The following RALYL variants were observed in gnomAD, a reference collection of about 807,000 sequenced individuals.
RALYL encodes the protein RALY RNA binding protein like.
RALYL carries 29 observed loss-of-function variants against 35.1 expected under a neutral mutation model. The ratio of observed to expected loss-of-function variants is 0.83; its 90% CI spans 0.61 to 1.13. The LOEUF (loss-of-function observed/expected upper bound fraction) is 1.13, where lower values mean the gene tolerates loss of function less well. Ranked by LOEUF, RALYL falls within the 50% of genes most tolerant of loss-of-function variation. The pLI, the probability that RALYL is intolerant of heterozygous loss-of-function variation, is 0.00. For synonymous variants in RALYL, 120 were observed against 127.6 expected (o/e 0.94, Z 0.40); for missense variants, 359 against 360.4 (o/e 1.00, Z 0.03).
At chr8:84,766,823 A>G (rs1814204202) in intron 2 of RALYL, among the ~76,000 whole-genome samples, 1 of 150,058 alleles carries the variant, frequency 6.7e-6, no homozygotes, top group Non-Finnish European at 1.5e-5. Context: ...GACTTACTGG[A>G]GCCCAAAGTT....
intron 1 of RALYL, among the ~76,000 whole-genome samples, chr8:84,379,646 AAAAC>A (rs139790097): frequency 0.03 from 4,604 of 151,878 alleles, 208 homozygotes; most frequent in African/African-American, 0.1. Flanking sequence ...CTTCCACTAA[AAAAC>A]AAACAAACAA....
At chr8:84,411,406 T>C (rs2044088243) in intron 1 of RALYL, among the ~76,000 whole-genome samples, 1 of 151,962 alleles carries the variant, frequency 6.6e-6, no homozygotes, top group Admixed American at 6.6e-5. Flanking sequence ...ATTTAACAGT[T>C]CTGAGTGTCA....
At chr8:84,782,365 A>T (rs1351435203) in intron 3 of RALYL, among the ~76,000 whole-genome samples, 1 of 152,172 alleles carries the variant, frequency 6.6e-6, no homozygotes, top group Non-Finnish European at 1.5e-5. Flanking sequence ...TGTAACAGTG[A>T]CCACTTGAGC....
chr8:84,423,319 C>G (rs2045913624), intron 1 of RALYL, among the ~76,000 whole-genome samples: 2 of 149,744 alleles, frequency 1.3e-5, no homozygotes. Context: ...TTCTTTGTCT[C>G]TTTTGATCTT....
chr8:84,540,976 T>G (rs1006160332), intron 2 of RALYL, among the ~76,000 whole-genome samples: 16 of 152,028 alleles, frequency 1.1e-4, no homozygotes, highest in Admixed American at 3.3e-4. Context: ...TGTCTTTTTG[T>G]TTTTTTAATC....
At chr8:84,363,450 C>T (rs754958342) in intron 1 of RALYL, among the ~76,000 whole-genome samples, 38 of 152,242 alleles carry the variant, frequency 2.5e-4, no homozygotes, top group Non-Finnish European at 4.0e-4. Flanking sequence ...TGGGTAATGC[C>T]TTATCTCTGC....
intron 8 of RALYL, among the ~76,000 whole-genome samples, chr8:84,895,124 T>G (rs1481980926): frequency 6.6e-6 from 1 of 152,154 alleles, no homozygotes; most frequent in Non-Finnish European, 1.5e-5. Context: ...GATTTTGAAT[T>G]TTGTTTGATT....
At chr8:84,865,678 T>A (rs559786977) in intron 6 of RALYL, among the ~76,000 whole-genome samples, 357 of 152,254 alleles carry the variant, frequency 2.3e-3, no homozygotes, top group Non-Finnish European at 4.4e-3. Flanking sequence ...ATCAGTGAGC[T>A]TTAGCTGTAG....
At chr8:84,791,721 C>T (rs1820819705) in intron 3 of RALYL, among the ~76,000 whole-genome samples, 1 of 152,094 alleles carries the variant, frequency 6.6e-6, no homozygotes, top group South Asian at 2.1e-4. Flanking sequence ...TGGAAGTGGA[C>T]TGTGAAAGAA....
intron 6 of RALYL, among the ~76,000 whole-genome samples, chr8:84,868,063 G>T (rs1563775558): frequency 6.6e-6 from 1 of 151,956 alleles, no homozygotes; most frequent in East Asian, 1.9e-4. Context: ...TAGTTATAGA[G>T]TCCATGAGAC....
chr8:84,596,563 C>A (rs923542300), intron 2 of RALYL, among the ~76,000 whole-genome samples: 2 of 152,116 alleles, frequency 1.3e-5, no homozygotes, highest in Non-Finnish European at 2.9e-5. Context: ...CTGGTCTTAG[C>A]TGTTTGATTG....
intron 2 of RALYL, among the ~76,000 whole-genome samples, chr8:84,576,239 T>A (rs1809394510): frequency 6.6e-6 from 1 of 152,242 alleles, no homozygotes. Context: ...GAAATTTTTA[T>A]GTTAGTTTCT....
chr8:84,251,664 A>G (rs899884503), intron 1 of RALYL, among the ~76,000 whole-genome samples: 6 of 152,098 alleles, frequency 3.9e-5, no homozygotes, highest in African/African-American at 1.4e-4. Context: ...TGAAAACTGC[A>G]TATAGTTGAT....
intron 2 of RALYL, among the ~76,000 whole-genome samples, chr8:84,626,014 C>A (rs1216453943): frequency 5.3e-5 from 8 of 149,774 alleles, no homozygotes; most frequent in Admixed American, 2.7e-4. Flanking sequence ...TAAAATATGA[C>A]AAAAATATAG....
intron 3 of RALYL, among the ~76,000 whole-genome samples, chr8:84,798,519 C>G (rs1034098955): frequency 2.0e-5 from 3 of 152,184 alleles, no homozygotes; most frequent in African/African-American, 7.2e-5. Context: ...TCCCTTACTT[C>G]TCCAAGGCCA....
chr8:84,317,974 C>T (rs934741625), intron 1 of RALYL, among the ~76,000 whole-genome samples: 1 of 151,682 alleles, frequency 6.6e-6, no homozygotes, highest in African/African-American at 2.4e-5. Context: ...TCTGTTTTTC[C>T]TCTTAAATGC....
At chr8:84,227,077 T>TTTC (rs1824090811) in intron 1 of RALYL, among the ~76,000 whole-genome samples, 1 of 147,664 alleles carries the variant, frequency 6.8e-6, no homozygotes, top group African/African-American at 2.5e-5. Context: ...TTTTTTTTTT[T>TTTC]TGAGGCAGAG....
intron 2 of RALYL, among the ~76,000 whole-genome samples, chr8:84,740,193 A>G (rs1229477859): frequency 1.3e-5 from 2 of 151,956 alleles, no homozygotes; most frequent in Non-Finnish European, 2.9e-5. Context: ...GGGTGTGCAT[A>G]ACGTCCAAGA....
At chr8:84,697,012 G>A (rs756957381) in intron 2 of RALYL, among the ~76,000 whole-genome samples, 11 of 151,994 alleles carry the variant, frequency 7.2e-5, no homozygotes, top group Non-Finnish European at 1.5e-4. Flanking sequence ...GCAGGCTGAA[G>A]TAGCTCATCA....
Sources: gnomAD v4.1 joint callset for allele counts (sites outside exome capture counted in the v4.1 genomes callset) on GRCh38, gnomAD v4.1.1 for gene constraint, MANE v1.5 for transcripts, NCBI Gene and HGNC (gene_info 2026-07-23, HGNC 2026-07-21) for gene names.